The following PPP1CC variants were observed in gnomAD, a reference collection of about 807,000 sequenced individuals.
PPP1CC encodes the protein serine/threonine-protein phosphatase PP1-gamma catalytic subunit.
A neutral mutation model predicts 38.4 loss-of-function variants in PPP1CC; 16 were observed. The ratio of observed to expected loss-of-function variants is 0.42; its 90% CI spans 0.28 to 0.63. The LOEUF (loss-of-function observed/expected upper bound fraction) is 0.63, where lower values mean the gene tolerates loss of function less well. Among genes scored for constraint, PPP1CC ranks in the 30% least tolerant of loss-of-function variants. The pLI is 0.25. For missense variants in PPP1CC, 170 were observed against 391.3 expected (o/e 0.43, Z 4.77); for synonymous variants, 158 against 136.0 (o/e 1.16, Z -1.13).
At chr12:110,728,397 C>CAAAAAAAAA (rs1234259790) in intron 3 of PPP1CC, among the ~76,000 whole-genome samples, 2 of 78,660 alleles carry the variant, frequency 2.5e-5, no homozygotes, top group Non-Finnish European at 5.7e-5. Context: ...GACTCCGTCT[C>CAAAAAAAAA]AAAAAAAAAA....
downstream of PPP1CC, among the ~76,000 whole-genome samples, chr12:110,715,615 G>C (rs1273175491): frequency 6.6e-6 from 1 of 151,654 alleles, no homozygotes; most frequent in Non-Finnish European, 1.5e-5. Context: ...TGCTGGGCTG[G>C]TATGCTACTT....
intron 1 of PPP1CC, among the ~76,000 whole-genome samples, chr12:110,733,668 G>T (rs1287630438): frequency 6.6e-6 from 1 of 152,156 alleles, no homozygotes; most frequent in Non-Finnish European, 1.5e-5. Flanking sequence ...AGGCTGGAGT[G>T]CAGTGGCATG....
At chr12:110,735,756 TG>T (rs979187539) in intron 1 of PPP1CC, among the ~76,000 whole-genome samples, 6 of 148,220 alleles carry the variant, frequency 4.0e-5, no homozygotes, top group Non-Finnish European at 8.9e-5. Flanking sequence ...CACTCCATCC[TG>T]GGCAACAAGA....
chr12:110,740,449 T>A (rs571984809), intron 1 of PPP1CC, among the ~76,000 whole-genome samples: 6 of 152,204 alleles, frequency 3.9e-5, no homozygotes, highest in East Asian at 1.9e-4. Context: ...TTAATTTTTT[T>A]AAATAAAAAA....
At chr12:110,742,618 CG>C in intron 1 of PPP1CC, 34 bp downstream of exon 1, 1 of 1,409,936 alleles carries the variant, frequency 7.1e-7, no homozygotes, top group Non-Finnish European at 9.3e-7. Context: ...CCCTCAGGCC[CG>C]CCTCCCCCTT....
chr12:110,739,956 G>C (rs1430992192), intron 1 of PPP1CC, among the ~76,000 whole-genome samples: 1 of 152,168 alleles, frequency 6.6e-6, no homozygotes, highest in Admixed American at 6.5e-5. Flanking sequence ...TTTATCATCA[G>C]CAAGGCAGAG....
intron 4 of PPP1CC, among the ~76,000 whole-genome samples, chr12:110,723,627 A>G (rs1402113607): frequency 6.6e-6 from 1 of 152,134 alleles, no homozygotes; most frequent in Non-Finnish European, 1.5e-5. Context: ...CTCCCGCCTC[A>G]GCCTCCCAAA....
the PPP1CC span, among the ~76,000 whole-genome samples, chr12:110,708,864 A>AAAAAG: frequency 7.8e-4 from 118 of 150,426 alleles, 2 homozygotes; most frequent in African/African-American, 1.0e-3. Context: ...AAAAAAAAAA[A>AAAAAG]AAAAGAAAAG....
intron 3 of PPP1CC, 50 bp from the exon 4 acceptor site, chr12:110,724,814 G>A (rs546773000): frequency 5.4e-6 from 6 of 1,111,376 alleles, no homozygotes; most frequent in South Asian, 2.6e-5. Context: ...TTACTGTTCC[G>A]TAGGCTCATT....
the PPP1CC span, among the ~76,000 whole-genome samples, chr12:110,712,499 G>A: frequency 5.7e-4 from 87 of 151,470 alleles, no homozygotes; most frequent in Non-Finnish European, 1.1e-3. Context: ...AATTAGCCAC[G>A]TGTGGTGGTG....
At chr12:110,742,007 C>T (rs1419215341) in intron 1 of PPP1CC, among the ~76,000 whole-genome samples, 1 of 152,158 alleles carries the variant, frequency 6.6e-6, no homozygotes, top group East Asian at 1.9e-4. Context: ...TCTTCAGATG[C>T]ACGCTCAGGA....
rs1203898795 is a variant in PPP1CC, at chr12:110,720,425, A to G, written c.*651T>C. On this transcript the variant is annotated 3_prime_UTR_variant, in exon 7 of 7. Transcript: ENST00000335007. ...TCAACAGAAACTTTGGCTTTAGGAA[A>G]GAGTCACAAATATTTAAAAGAATGG... The G allele has an allele frequency of 4.2e-6, 2 of 477,220 alleles. No homozygotes were observed. Among genetic ancestry groups the G allele is most frequent in the Non-Finnish European group, 7.4e-6 (2 of 269,526 alleles). The allele number at this position is 477,220 out of a possible 1,614,324, so 29.6% of individuals were successfully genotyped here. A position where few individuals can be genotyped will look rare whatever the true frequency, so the allele number is the denominator to read the frequency against.
In PPP1CC at chr12:110,740,314, G is replaced by C. The variant is rs538035968; in HGVS notation, c.55+2339C>G. On this transcript the variant is annotated intron_variant, in intron 1 of 6. Transcript: ENST00000335007. The stretch of plus-strand genomic sequence containing the variant: ...AAAGAATAAAATTTAGGCCGGGCAC[G>C]GTGGCTCATGACTATAACCCCAGCA... Among the ~76,000 whole-genome samples the C allele has an allele frequency of 8.9e-4, 136 of 152,232 alleles. 1 individual carries two copies. The highest frequency in any genetic ancestry group is 1.6e-3 in the Non-Finnish European group (106 of 68,008).
chr12:110,721,561 C>G (rs972688123), intron 6 of PPP1CC: 3 of 171,656 alleles, frequency 1.7e-5, no homozygotes, highest in African/African-American at 4.8e-5. Context: ...TGGTAAAAAA[C>G]TATTTTAATT....
intron 1 of PPP1CC, 33 bp downstream of exon 1, chr12:110,742,620 C>T (rs2070031136): frequency 7.1e-7 from 1 of 1,407,860 alleles, no homozygotes; most frequent in South Asian, 1.6e-5. Context: ...CTCAGGCCCG[C>T]CTCCCCCTTC....
chr12:110,711,990 T>C, the PPP1CC span, among the ~76,000 whole-genome samples: 1 of 152,162 alleles, frequency 6.6e-6, no homozygotes, highest in Non-Finnish European at 1.5e-5. Flanking sequence ...TAACGAGTTT[T>C]CAGTCAATGA....
intron 1 of PPP1CC, 111 bp from the exon 2 acceptor site, chr12:110,732,012 T>C: frequency 8.8e-7 from 1 of 1,135,498 alleles, no homozygotes; most frequent in African/African-American, 1.6e-5. Context: ...AGTGGCTTCA[T>C]TTTCAGGACA....
chr12:110,714,106 A>C, the PPP1CC span, among the ~76,000 whole-genome samples: 1 of 152,108 alleles, frequency 6.6e-6, no homozygotes, highest in Non-Finnish European at 1.5e-5. Flanking sequence ...CTCAAAAACA[A>C]ACGAAAACAA....
chr12:110,716,440 C>T (rs1282516671), downstream of PPP1CC, among the ~76,000 whole-genome samples: 2 of 151,786 alleles, frequency 1.3e-5, no homozygotes, highest in African/African-American at 4.8e-5. Flanking sequence ...GCAACCTCTG[C>T]TTCCCAGGTT....
Sources: allele counts gnomAD v4.1 joint callset (sites outside exome capture counted in the v4.1 genomes callset), GRCh38; gene constraint gnomAD v4.1.1; transcripts MANE v1.5; gene names NCBI Gene and HGNC (gene_info 2026-07-23, HGNC 2026-07-21).